SKAP2: variants seen among roughly 807,000 people sequenced by gnomAD.
The protein encoded by SKAP2 is src kinase associated phosphoprotein 2, also known as src kinase-associated phosphoprotein 2.
In SKAP2, 28 loss-of-function variants were observed where a neutral mutation model predicts 54.9. The ratio of observed to expected loss-of-function variants is 0.51; its 90% CI spans 0.38 to 0.70. The LOEUF (loss-of-function observed/expected upper bound fraction) is 0.70. Ranked by LOEUF, SKAP2 falls within the 30% of genes least tolerant of loss-of-function variation. The pLI is 0.00. For synonymous variants in SKAP2, 137 were observed against 134.3 expected (o/e 1.02, Z -0.14); for missense variants, 356 against 424.1 (o/e 0.84, Z 1.41).
intron 4 of SKAP2, among the ~76,000 whole-genome samples, chr7:26,818,637 C>T (rs566024725): frequency 6.6e-6 from 1 of 152,200 alleles, no homozygotes; most frequent in South Asian, 2.1e-4. Context: ...AGTGAACAGG[C>T]AACCTACAGA....
chr7:26,769,092 C>G (rs550062219), intron 4 of SKAP2, among the ~76,000 whole-genome samples: 1 of 152,322 alleles, frequency 6.6e-6, no homozygotes, highest in East Asian at 1.9e-4. Flanking sequence ...TTCAGGTACA[C>G]TAATCAAACG....
At chr7:26,757,650 A>G (rs1318923565) in intron 4 of SKAP2, among the ~76,000 whole-genome samples, 6 of 152,132 alleles carry the variant, frequency 3.9e-5, no homozygotes, top group East Asian at 1.9e-4. Context: ...TTGACTTGGC[A>G]ATGCGGGCTC....
intron 4 of SKAP2, among the ~76,000 whole-genome samples, chr7:26,791,998 C>G (rs1156948517): frequency 6.6e-6 from 1 of 152,118 alleles, no homozygotes; most frequent in Non-Finnish European, 1.5e-5. Flanking sequence ...TACAACAGAA[C>G]ACTACTCAAC....
chr7:26,762,863 T>C (rs1782963395), intron 4 of SKAP2, among the ~76,000 whole-genome samples: 1 of 152,180 alleles, frequency 6.6e-6, no homozygotes, highest in South Asian at 2.1e-4. Flanking sequence ...ACCAAAATCA[T>C]AAATTTGCAA....
chr7:26,843,882 G>C, intron 4 of SKAP2, 148 bp downstream of exon 4: 1 of 519,426 alleles, frequency 1.9e-6, no homozygotes, highest in Non-Finnish European at 3.4e-6. Flanking sequence ...AGAACCACTA[G>C]AGAGAGCTCT....
intron 11 of SKAP2, among the ~76,000 whole-genome samples, chr7:26,674,490 T>C (rs1241002419): frequency 6.6e-6 from 1 of 152,238 alleles, no homozygotes; most frequent in Admixed American, 6.5e-5. Flanking sequence ...TCTTTATAAA[T>C]GCACAACAGG....
intron 1 of SKAP2, among the ~76,000 whole-genome samples, chr7:26,860,497 G>C (rs1785253190): frequency 6.6e-6 from 1 of 152,072 alleles, no homozygotes; most frequent in Non-Finnish European, 1.5e-5. Flanking sequence ...GGGCAGGCTT[G>C]TTCTTGCTCC....
chr7:26,797,262 T>C (rs1783800974), intron 4 of SKAP2, among the ~76,000 whole-genome samples: 1 of 152,224 alleles, frequency 6.6e-6, no homozygotes, highest in Non-Finnish European at 1.5e-5. Context: ...GACCCAGTGC[T>C]GTGCTGGCTT....
At chr7:26,854,080 A>G in intron 3 of SKAP2, 57 bp downstream of exon 3, 1 of 1,183,482 alleles carries the variant, frequency 8.4e-7, no homozygotes, top group Admixed American at 2.0e-5. Context: ...AGATTATCCT[A>G]TTGAAAATTT....
chr7:26,809,634 A>G (rs1306728660), intron 4 of SKAP2, among the ~76,000 whole-genome samples: 2 of 152,196 alleles, frequency 1.3e-5, no homozygotes, highest in East Asian at 3.9e-4. Flanking sequence ...AAGAAATGGA[A>G]AGCCTTGTAT....
intron 3 of SKAP2, among the ~76,000 whole-genome samples, chr7:26,849,361 G>A (rs567581748): frequency 5.9e-5 from 9 of 152,052 alleles, no homozygotes; most frequent in South Asian, 4.2e-4. Context: ...TCTATCTCTA[G>A]CACCTGAAGC....
At chr7:26,785,222 T>C (rs528348729) in intron 4 of SKAP2, among the ~76,000 whole-genome samples, 34 of 152,168 alleles carry the variant, frequency 2.2e-4, no homozygotes, top group Admixed American at 6.5e-4. Flanking sequence ...AGACTCACTC[T>C]GTTGTCCAGG....
At chr7:26,834,003 C>T (rs192342508) in intron 4 of SKAP2, among the ~76,000 whole-genome samples, 14 of 152,290 alleles carry the variant, frequency 9.2e-5, no homozygotes, top group African/African-American at 3.4e-4. Context: ...TATCTCAGAC[C>T]ACAGTGCAAG....
At chr7:26,682,016 A>C (rs114268907) in intron 11 of SKAP2, among the ~76,000 whole-genome samples, 4,976 of 152,232 alleles carry the variant, frequency 0.033, 261 homozygotes, top group African/African-American at 0.11. Context: ...GTAAAAAAAA[A>C]CAGAAAGGTA....
intron 1 of SKAP2, chr7:26,857,503 C>CT (rs1562638196): frequency 1.0e-6 from 1 of 985,196 alleles, no homozygotes. Context: ...CAGGAGACTC[C>CT]TAGACGTGCC....
chr7:26,859,292 T>A (rs1455226832), intron 1 of SKAP2, among the ~76,000 whole-genome samples: 2 of 150,068 alleles, frequency 1.3e-5, no homozygotes, highest in Non-Finnish European at 3.0e-5. Context: ...AAAGACATGC[T>A]CTTCTCTGTT....
intron 4 of SKAP2, among the ~76,000 whole-genome samples, chr7:26,831,200 A>C (rs1214538921): frequency 6.6e-6 from 1 of 152,186 alleles, no homozygotes; most frequent in African/African-American, 2.4e-5. Context: ...CCCAAGGCTC[A>C]TGATGCCTAT....
chr7:26,730,748 A>G (rs956306613), intron 6 of SKAP2, among the ~76,000 whole-genome samples: 2 of 152,226 alleles, frequency 1.3e-5, no homozygotes, highest in Non-Finnish European at 2.9e-5. Flanking sequence ...CTAATTCAGC[A>G]GGTTCAAGGT....
At chr7:26,734,694 C>T (rs1415528560) in intron 6 of SKAP2, among the ~76,000 whole-genome samples, 2 of 152,170 alleles carry the variant, frequency 1.3e-5, no homozygotes, top group African/African-American at 4.8e-5. Flanking sequence ...CTTGTTGCTG[C>T]ATCCCCCAGA....
Sources: gnomAD v4.1 joint callset for allele counts (sites outside exome capture counted in the v4.1 genomes callset) on GRCh38, gnomAD v4.1.1 for gene constraint, MANE v1.5 for transcripts, NCBI Gene and HGNC (gene_info 2026-07-23, HGNC 2026-07-21) for gene names.